Variants in TLCD4 observed in about 807,000 individuals in gnomAD.
The protein encoded by TLCD4 is TLC domain-containing protein 4.
Under a neutral mutation model 24.2 loss-of-function variants are expected in TLCD4, and 7 were observed. The observed-to-expected ratio is 0.29, with a 90% CI of 0.16 to 0.54. The LOEUF (loss-of-function observed/expected upper bound fraction) is 0.54. TLCD4 is among the 20% of genes least tolerant of loss of function. The pLI is 0.95. For synonymous variants in TLCD4, 103 were observed against 106.4 expected, an observed-to-expected ratio of 0.97 and a Z score of 0.20; for missense variants, 259 against 313.9, an observed-to-expected ratio of 0.82 and a Z score of 1.32.
chr1:95,099,778 C>T, the TLCD4 span, among the ~76,000 whole-genome samples: 1 of 151,986 alleles, frequency 6.6e-6, no homozygotes, highest in South Asian at 2.1e-4. Flanking sequence ...ATTCAATTCT[C>T]ACCAACTCTA....
At chr1:95,144,373 T>C (rs1430434806) in intron 2 of TLCD4, among the ~76,000 whole-genome samples, 2 of 152,168 alleles carry the variant, frequency 1.3e-5, no homozygotes, top group African/African-American at 4.8e-5. Context: ...ACATATTCTT[T>C]GGAAACAAAG....
At chr1:95,123,409 A>G (rs1332758762) in intron 1 of TLCD4, among the ~76,000 whole-genome samples, 1 of 152,224 alleles carries the variant, frequency 6.6e-6, no homozygotes, top group African/African-American at 2.4e-5. Flanking sequence ...GAGCCAGAAG[A>G]AAGAACCAAA....
intron 1 of TLCD4, among the ~76,000 whole-genome samples, chr1:95,141,372 T>C (rs1475911940): frequency 6.6e-6 from 1 of 152,182 alleles, no homozygotes; most frequent in Non-Finnish European, 1.5e-5. Flanking sequence ...TTTGTATACA[T>C]TGAATTTTAA....
intron 6 of TLCD4, among the ~76,000 whole-genome samples, chr1:95,177,008 C>T (rs969718112): frequency 6.6e-6 from 1 of 152,176 alleles, no homozygotes; most frequent in Non-Finnish European, 1.5e-5. Context: ...GATACACCTT[C>T]TCTCAGTCCT....
chr1:95,189,320 AG>A (rs1678943622), intron 6 of TLCD4, among the ~76,000 whole-genome samples: 1 of 152,144 alleles, frequency 6.6e-6, no homozygotes, highest in Non-Finnish European at 1.5e-5. Context: ...TACTCCTTTC[AG>A]GGATGTTATA....
chr1:95,186,309 C>G, intron 6 of TLCD4, among the ~76,000 whole-genome samples: 1 of 151,964 alleles, frequency 6.6e-6, no homozygotes, highest in East Asian at 1.9e-4. Flanking sequence ...TGCAGAGCAC[C>G]CTAGCTACTC....
chr1:95,174,522 A>G (rs1032233674), intron 6 of TLCD4, among the ~76,000 whole-genome samples: 6 of 122,284 alleles, frequency 4.9e-5, no homozygotes, highest in Admixed American at 8.0e-5. Context: ...AAAAAAAAAA[A>G]AAAAGAAAAA....
At chr1:95,093,943 T>C in the TLCD4 span, among the ~76,000 whole-genome samples, 1 of 152,226 alleles carries the variant, frequency 6.6e-6, no homozygotes, top group African/African-American at 2.4e-5. Flanking sequence ...AATGTGACTT[T>C]TCTGTTTTTC....
chr1:95,129,158 C>G (rs1676820751), intron 1 of TLCD4, among the ~76,000 whole-genome samples: 2 of 152,034 alleles, frequency 1.3e-5, no homozygotes, highest in South Asian at 4.2e-4. Flanking sequence ...ATATTTTGTT[C>G]TTTGTTATAA....
intron 1 of TLCD4, among the ~76,000 whole-genome samples, chr1:95,136,196 CA>C (rs1441995765): frequency 6.6e-6 from 1 of 152,064 alleles, no homozygotes; most frequent in African/African-American, 2.4e-5. Flanking sequence ...GATGCTTGAT[CA>C]AAAGATGCAC....
chr1:95,181,153 A>G (rs1384728171), intron 6 of TLCD4, among the ~76,000 whole-genome samples: 4 of 152,154 alleles, frequency 2.6e-5, no homozygotes, highest in Non-Finnish European at 5.9e-5. Flanking sequence ...TTCCATGTTA[A>G]CACAATATTT....
intron 1 of TLCD4, among the ~76,000 whole-genome samples, chr1:95,121,671 G>A (rs1266214447): frequency 1.3e-5 from 2 of 152,260 alleles, no homozygotes; most frequent in East Asian, 1.9e-4. Context: ...GGGTTTCACC[G>A]TGTTGGCCAG....
chr1:95,123,181 C>T (rs1044252903), intron 1 of TLCD4, among the ~76,000 whole-genome samples: 1 of 152,164 alleles, frequency 6.6e-6, no homozygotes, highest in Admixed American at 6.5e-5. Context: ...AATATTGAGA[C>T]AGGAATTTAA....
chr1:95,150,111 GA>G, intron 3 of TLCD4, 96 bp from the exon 4 acceptor site: 2 of 1,438,864 alleles, frequency 1.4e-6, no homozygotes, highest in Non-Finnish European at 1.8e-6. Context: ...AGAATCTATA[GA>G]AAGCAATTTT....
upstream of TLCD4, among the ~76,000 whole-genome samples, chr1:95,112,572 C>T (rs1676360783): frequency 1.3e-5 from 2 of 152,100 alleles, no homozygotes; most frequent in Non-Finnish European, 2.9e-5. Context: ...ACTAGAAAGG[C>T]ATTAGACATT....
chr1:95,174,998 A>G (rs1436873086), intron 6 of TLCD4, among the ~76,000 whole-genome samples: 1 of 151,824 alleles, frequency 6.6e-6, no homozygotes, highest in Non-Finnish European at 1.5e-5. Context: ...CTGGTCTCAA[A>G]CTCCTGACCT....
At chr1:95,096,788 G>A in the TLCD4 span, among the ~76,000 whole-genome samples, 1 of 152,090 alleles carries the variant, frequency 6.6e-6, no homozygotes, top group Non-Finnish European at 1.5e-5. Context: ...AGTGCAACTC[G>A]GCCCCATCCT....
chr1:95,124,927 T>C (rs1438193549), intron 1 of TLCD4, among the ~76,000 whole-genome samples: 1 of 152,136 alleles, frequency 6.6e-6, no homozygotes, highest in Non-Finnish European at 1.5e-5. Flanking sequence ...ATCAATCCCG[T>C]AAGTTAGAAA....
At chr1:95,153,197 A>G (rs187720779) in intron 5 of TLCD4, among the ~76,000 whole-genome samples, 83 of 152,162 alleles carry the variant, frequency 5.5e-4, no homozygotes, top group Non-Finnish European at 1.0e-3. Context: ...ATTTGGGAAT[A>G]TGGAAAGTTC....
Sources: allele counts gnomAD v4.1 joint callset (sites outside exome capture counted in the v4.1 genomes callset), GRCh38; gene constraint gnomAD v4.1.1; transcripts MANE v1.5; gene names NCBI Gene and HGNC (gene_info 2026-07-23, HGNC 2026-07-21).